The following PKP4 variants were observed in gnomAD, a reference collection of about 807,000 sequenced individuals.
PKP4 encodes plakophilin 4.
Under a neutral mutation model 145.1 loss-of-function variants are expected in PKP4, and 90 were observed. The observed-to-expected ratio is 0.62, with a 90% CI of 0.52 to 0.74. The LOEUF (loss-of-function observed/expected upper bound fraction) is 0.74, where lower values mean the gene tolerates loss of function less well. Among genes scored for constraint, PKP4 ranks in the 30% least tolerant of loss-of-function variants. The probability of loss-of-function intolerance (pLI) is 0.00; values close to 1 mark genes in which losing one functional copy is unlikely to be tolerated. For missense variants in PKP4, 1,340 were observed against 1,482.7 expected (o/e 0.90, Z 1.58); for synonymous variants, 563 against 577.2 (o/e 0.98, Z 0.35).
intron 4 of PKP4, 76 bp from the exon 5 acceptor site, chr2:158,620,914 C>A: frequency 7.7e-7 from 1 of 1,304,220 alleles, no homozygotes; most frequent in Non-Finnish European, 1.1e-6. Flanking sequence ...ATGCTGTTGA[C>A]AAACATCTGA....
At chr2:158,483,334 T>C (rs1273434678) in intron 1 of PKP4, among the ~76,000 whole-genome samples, 4 of 151,816 alleles carry the variant, frequency 2.6e-5, no homozygotes, top group Non-Finnish European at 5.9e-5. Flanking sequence ...TTTTCTTTTC[T>C]GTGTATAAAC....
intron 4 of PKP4, among the ~76,000 whole-genome samples, chr2:158,620,689 A>G (rs892526367): frequency 6.6e-5 from 10 of 152,180 alleles, no homozygotes; most frequent in African/African-American, 2.2e-4. Flanking sequence ...CCCTTGGAGG[A>G]AGGTGTCTGA....
At chr2:158,598,237 A>T (rs1180970531) in intron 3 of PKP4, among the ~76,000 whole-genome samples, 1 of 152,166 alleles carries the variant, frequency 6.6e-6, no homozygotes, top group Non-Finnish European at 1.5e-5. Flanking sequence ...CTAATTCAGT[A>T]TGTCTTGCTA....
At position 158,566,833 on chromosome 2, in the gene PKP4, C is replaced by A. The variant is rs943856639; in HGVS notation, c.133-10438C>A. Among the ~76,000 whole-genome samples the A allele has an allele frequency of 1.3e-3, 199 of 152,294 alleles. 1 individual carries two copies. The highest frequency in any genetic ancestry group is 4.6e-3 in the African/African-American group (190 of 41,566). ...CTAGAATTATTTATATCTGCAAACA[C>A]ACACACACACAGCACACATATCTAT... On this transcript the variant is annotated intron_variant, in intron 2 of 21. Coordinates refer to ENST00000389759, the MANE Select transcript of PKP4 (RefSeq NM_003628.6).
chr2:158,476,948 CTCT>C (rs1472990637), intron 1 of PKP4, among the ~76,000 whole-genome samples: 4 of 152,110 alleles, frequency 2.6e-5, no homozygotes, highest in African/African-American at 9.7e-5. Flanking sequence ...CTATTAAATG[CTCT>C]TCTAACACAA....
intron 2 of PKP4, among the ~76,000 whole-genome samples, chr2:158,543,408 A>C (rs537387260): frequency 6.6e-6 from 1 of 152,296 alleles, no homozygotes; most frequent in South Asian, 2.1e-4. Context: ...CACAAGATCA[A>C]AATTAGGGGA....
intron 1 of PKP4, among the ~76,000 whole-genome samples, chr2:158,463,990 G>T (rs1420871495): frequency 6.6e-6 from 1 of 152,206 alleles, no homozygotes; most frequent in African/African-American, 2.4e-5. Flanking sequence ...TCTGCAGTTT[G>T]TCACAGCCCT....
intron 1 of PKP4, among the ~76,000 whole-genome samples, chr2:158,492,269 A>G (rs911456481): frequency 2.0e-5 from 3 of 152,160 alleles, no homozygotes; most frequent in Admixed American, 6.6e-5. Flanking sequence ...CTCAGAATCT[A>G]TCTCACACCT....
At chr2:158,575,199 C>G (rs2047741822) in intron 2 of PKP4, among the ~76,000 whole-genome samples, 2 of 152,170 alleles carry the variant, frequency 1.3e-5, no homozygotes, top group Admixed American at 1.3e-4. Context: ...GTTTCCATGT[C>G]AGGATCTTGA....
intron 1 of PKP4, among the ~76,000 whole-genome samples, chr2:158,495,726 C>T (rs1004940221): frequency 2.0e-5 from 3 of 151,384 alleles, no homozygotes; most frequent in Non-Finnish European, 4.4e-5. Context: ...CCCAACTACT[C>T]AGGAGGCTGA....
intron 1 of PKP4, among the ~76,000 whole-genome samples, chr2:158,503,668 T>G (rs1187625868): frequency 6.6e-6 from 1 of 152,226 alleles, no homozygotes; most frequent in African/African-American, 2.4e-5. Flanking sequence ...CTGAGCAAAG[T>G]TTGTATCATT....
At position 158,666,519 on chromosome 2, in the gene PKP4, C is replaced by A; in HGVS notation, c.2684C>A (p.Ala895Asp). Residue 895 changes from alanine to aspartate, a missense_variant, in exon 16 of 22, where the codon GCC becomes GAC. Ala to Asp is a moderately radical substitution (Grantham distance 126). Coordinates refer to ENST00000389759, the MANE Select transcript of PKP4 (RefSeq NM_003628.6). ...NDRVVSSVATALRNMALDVRN... is the reference protein window; with the variant it reads ...NDRVVSSVATDLRNMALDVRN... ...AGAGTTGTTTCTTCCGTGGCAACAG[C>A]CTTGAGGAATATGGCACTAGATGTT... The A allele has an allele frequency of 6.2e-7, 1 of 1,613,296 alleles. No individual in the cohort carries two copies. Among genetic ancestry groups the A allele is most frequent in the Non-Finnish European group, 8.5e-7 (1 of 1,179,658 alleles).
Position 158,663,374 on chromosome 2 carries a change from G to C in PKP4, c.2506G>C (p.Glu836Gln). 1 of 1,614,158 alleles carries C rather than the reference G, an allele frequency of 6.2e-7. No homozygotes were observed. Among genetic ancestry groups the C allele is most frequent in the Non-Finnish European group, 8.5e-7 (1 of 1,180,024 alleles). The stretch of plus-strand genomic sequence containing the variant: ...AAAACCATATCTGACTCTTCTAGCA[G>C]AAAGTTCCAACCCAGCCACCTTGGA... The part of the protein sequence containing the change: ...VVKPYLTLLA[E>Q]SSNPATLEGS... The change falls in exon 15 of 22, where the codon GAA (glutamate) becomes CAA (glutamine). Residue 836 changes from glutamate (E) to glutamine (Q), a missense_variant. Transcript: ENST00000389759.
At chr2:158,621,185 T>G (rs200298360) in intron 5 of PKP4, 46 bp from the exon 6 acceptor site, 2 of 1,613,106 alleles carry the variant, frequency 1.2e-6, no homozygotes, top group South Asian at 2.2e-5. Flanking sequence ...AAAGCGAGTG[T>G]CAGAAGTGTG....
intron 2 of PKP4, among the ~76,000 whole-genome samples, chr2:158,575,090 A>G (rs1160447788): frequency 3.9e-5 from 6 of 152,198 alleles, no homozygotes; most frequent in Non-Finnish European, 7.4e-5. Context: ...ACTTGAGACT[A>G]AGATTCCAGG....
intron 16 of PKP4, 166 bp from the exon 17 acceptor site, chr2:158,669,554 A>G (rs2057385856): frequency 2.3e-6 from 1 of 438,834 alleles, no homozygotes; most frequent in Non-Finnish European, 4.0e-6. Context: ...TCCCCTTATA[A>G]TGACATTTGT....
intron 11 of PKP4, among the ~76,000 whole-genome samples, chr2:158,648,238 G>A (rs1432533427): frequency 6.6e-6 from 1 of 152,158 alleles, no homozygotes; most frequent in Non-Finnish European, 1.5e-5. Context: ...TGTTTATTGT[G>A]AAATGTTTGG....
At chr2:158,609,828 T>C (rs1574764984) in intron 4 of PKP4, among the ~76,000 whole-genome samples, 1 of 152,146 alleles carries the variant, frequency 6.6e-6, no homozygotes, top group Admixed American at 6.5e-5. Flanking sequence ...GCTTGCTTGT[T>C]TGTGTGTTTA....
chr2:158,621,421 G>A lies in PKP4; in HGVS notation c.603G>A (p.Gln201=). 6.2e-7 allele frequency: 1 copy of A among 1,613,426 alleles called. No homozygotes were observed. The highest frequency in any genetic ancestry group is 8.5e-7 in the Non-Finnish European group (1 of 1,179,454). The change falls in exon 6 of 22, where the codon CAG becomes CAA. Residue 201 remains glutamine, a splice_region_variant and synonymous_variant. Transcript: ENST00000389759. ...GAGCTGAAGGACAAACACTGGTTCA[G>A]GTAAGCCAAACGCATCAAGATCTCT... The part of the protein sequence containing the change: ...NSRAEGQTLV[Q]PSVANRAMRR...
Sources: allele counts gnomAD v4.1 joint callset (sites outside exome capture counted in the v4.1 genomes callset), GRCh38; gene constraint gnomAD v4.1.1; transcripts MANE v1.5; gene names NCBI Gene and HGNC (gene_info 2026-07-23, HGNC 2026-07-21).